LPO: variants seen among roughly 807,000 people sequenced by gnomAD.
LPO encodes the protein salivary peroxidase.
In LPO, 70 loss-of-function variants were observed where a neutral mutation model predicts 68.4. That is an observed-to-expected ratio of 1.02 (90% CI 0.84 to 1.25). The LOEUF (loss-of-function observed/expected upper bound fraction) is 1.25, where lower values mean the gene tolerates loss of function less well. Among genes scored for constraint, LPO ranks in the 50% most tolerant of loss-of-function variants. The pLI, the probability that LPO is intolerant of heterozygous loss-of-function variation, is 0.00. For missense variants in LPO, 873 were observed against 908.4 expected (o/e 0.96, Z 0.50); for synonymous variants, 360 against 357.6 (o/e 1.01, Z -0.08).
In LPO at chr17:58,249,086, T is replaced by A; in HGVS notation, c.352T>A (p.Ser118Thr). ...TDPSLDLTSLSLEVGCGAPAP... is the reference protein window; with the variant it reads ...TDPSLDLTSLTLEVGCGAPAP... Reference sequence around the variant, plus strand: ...TCCCAGCCTGGACTTGACTTCACTGTCTCTGGAGGTGGGCTGTGGTGCTCC... The same window carrying A: ...TCCCAGCCTGGACTTGACTTCACTGACTCTGGAGGTGGGCTGTGGTGCTCC... The change falls in exon 5 of 13, where the codon TCT becomes ACT. Residue 118 changes from serine to threonine, a missense_variant. Transcript: ENST00000262290. 2 of 1,614,164 alleles carry A rather than the reference T, an allele frequency of 1.2e-6. No homozygotes were observed. Among genetic ancestry groups the A allele is most frequent in the Non-Finnish European group, 1.7e-6 (2 of 1,180,012 alleles).
chr17:58,265,661 G>A (rs892122018), intron 10 of LPO, among the ~76,000 whole-genome samples: 2 of 142,524 alleles, frequency 1.4e-5, no homozygotes, highest in African/African-American at 5.3e-5. Flanking sequence ...AGCTCACTGC[G>A]GCCTTGACCT....
intron 11 of LPO, 21 bp from the exon 12 acceptor site, chr17:58,267,328 G>A: frequency 6.3e-7 from 1 of 1,595,586 alleles, no homozygotes; most frequent in Non-Finnish European, 8.6e-7. Flanking sequence ...GGATGAGACA[G>A]CCTCAGTCTC....
Position 58,244,064 on chromosome 17 carries a change from C to T in LPO, c.147C>T (p.Phe49=). The stretch of plus-strand genomic sequence containing the variant: ...CCAAGGTCCAAGTCAACAAGGCCTT[C>T]CTGGACTCCCGAACCAGGTACGTGA... ...SQAKVQVNKA[F]LDSRTRLKTA... Residue 49 remains phenylalanine, a synonymous_variant, in exon 3 of 13, where the codon TTC becomes TTT. Coordinates refer to ENST00000262290, the MANE Select transcript of LPO (RefSeq NM_006151.3). 1 of 1,610,472 alleles carries T rather than the reference C, an allele frequency of 6.2e-7. No individual in the cohort carries two copies.
At chr17:58,260,907 G>A (rs963583787) in intron 9 of LPO, among the ~76,000 whole-genome samples, 1 of 152,150 alleles carries the variant, frequency 6.6e-6, no homozygotes, top group Non-Finnish European at 1.5e-5. Flanking sequence ...TAATTTAGAA[G>A]AGTGTTATTT....
At chr17:58,254,180 G>GATAGATAGATAC (rs1567819942) in intron 8 of LPO, among the ~76,000 whole-genome samples, 2 of 151,164 alleles carry the variant, frequency 1.3e-5, no homozygotes, top group African/African-American at 4.9e-5. Context: ...TAGATAGATA[G>GATAGATAGATAC]ATAGATAGAT....
chr17:58,267,598 C>T lies in LPO; in HGVS notation c.1931+12C>T. 6.3e-7 allele frequency: 1 copy of T among 1,596,078 alleles called. No individual in the cohort carries two copies. Among genetic ancestry groups the T allele is most frequent in the Non-Finnish European group, 8.6e-7 (1 of 1,168,806 alleles). On this transcript the variant is annotated intron_variant, in intron 12 of 12. Transcript: ENST00000262290. The stretch of plus-strand genomic sequence containing the variant: ...CGTGATGGAGACAGGCAAGTGCGTC[C>T]TCAGCCAGGGAGGGAAGGGCAGGGC...
chr17:58,242,054 C>A (rs1160639616), intron 1 of LPO, among the ~76,000 whole-genome samples: 1 of 152,148 alleles, frequency 6.6e-6, no homozygotes, highest in Non-Finnish European at 1.5e-5. Flanking sequence ...GCACAGGCGC[C>A]CTTGTGAAAG....
intron 3 of LPO, 72 bp downstream of exon 3, chr17:58,244,153 T>C (rs2143886309): frequency 2.3e-6 from 3 of 1,298,330 alleles, no homozygotes; most frequent in South Asian, 1.2e-5. Context: ...AGGCTTCCTG[T>C]TCATGACAAG....
rs1308054707 is a variant in LPO, at chr17:58,249,169, C to A, written c.435C>A (p.Cys145Ter). The change falls in exon 5 of 13, where the codon TGC becomes TGA. Residue 145 changes from cysteine (C) to a stop codon, truncating the protein, a stop_gained. Coordinates refer to ENST00000262290, the MANE Select transcript of LPO (RefSeq NM_006151.3). LOFTEE classifies it high-confidence loss of function. ...CTTACCGCACCATTACGGGAGACTG[C>A]AATAACAGGTGGCGGGGCTTGGGGT... is the stretch of plus-strand genomic sequence containing the variant. ...CSPYRTITGDCNNRRKPALGA... is the reference protein window; with the variant it reads ...CSPYRTITGD 1.2e-6 allele frequency: 2 copies of A among 1,613,162 alleles called. No individual in the cohort carries two copies. Among genetic ancestry groups the A allele is most frequent in the East Asian group, 2.2e-5 (1 of 44,846 alleles).
At chr17:58,247,420 GC>G in intron 3 of LPO, 57 bp from the exon 4 acceptor site, 1 of 1,544,684 alleles carries the variant, frequency 6.5e-7, no homozygotes, top group South Asian at 1.2e-5. Flanking sequence ...CCCTCCAGCG[GC>G]CCCCAGCCCC....
Position 58,266,298 on chromosome 17 carries a change from A to T in LPO, c.1665A>T (p.Thr555=). ...IHGFDLAAIN[T]QRCRDHGQPG... ...GCTTTGACCTGGCTGCCATCAACAC[A>T]CAGCGTTGCCGGGACCATGGGCAAC... The change falls in exon 11 of 13, where the codon ACA becomes ACT. Residue 555 remains threonine, a synonymous_variant. Coordinates refer to ENST00000262290, the MANE Select transcript of LPO (RefSeq NM_006151.3). The T allele has an allele frequency of 6.2e-7, 1 of 1,614,098 alleles. No homozygotes were observed.
intron 9 of LPO, among the ~76,000 whole-genome samples, chr17:58,257,626 T>C (rs1970096945): frequency 6.6e-6 from 1 of 152,240 alleles, no homozygotes; most frequent in Non-Finnish European, 1.5e-5. Context: ...CTCTTTGATA[T>C]ACTGATTTTA....
At chr17:58,256,376 G>T (rs916684027) in intron 9 of LPO, among the ~76,000 whole-genome samples, 1 of 149,948 alleles carries the variant, frequency 6.7e-6, no homozygotes, top group African/African-American at 2.5e-5. Flanking sequence ...GAGTGCAATT[G>T]CTAGGTCACA....
At position 58,268,012 on chromosome 17, in the gene LPO, GA is replaced by G. The variant is rs1567825161; in HGVS notation, c.*21del. The G allele has an allele frequency of 2.5e-6, 4 of 1,612,338 alleles. No individual in the cohort carries two copies. In the South Asian group the frequency reaches 3.3e-5, roughly 13 times the overall value. On this transcript the variant is annotated 3_prime_UTR_variant, in exon 13 of 13. Transcript: ENST00000262290. The stretch of plus-strand genomic sequence containing the variant: ...AGAATTAGGGGCCCGCGCTGCACAG[GA>G]AAGTTCCCTTTGGTCCACAGGGCCA...
At chr17:58,244,130 C>T (rs1969811451) in intron 3 of LPO, 49 bp downstream of exon 3, 1 of 1,271,622 alleles carries the variant, frequency 7.9e-7, no homozygotes, top group Non-Finnish European at 1.1e-6. Flanking sequence ...CACACACACA[C>T]ACTTCCCTTC....
chr17:58,255,719 G>T (rs8178357), intron 9 of LPO, among the ~76,000 whole-genome samples: 5,928 of 152,236 alleles, frequency 0.039, 390 homozygotes, highest in African/African-American at 0.13. Flanking sequence ...AATGTACAAG[G>T]AGGTCCCATG....
intron 7 of LPO, chr17:58,251,826 A>G: frequency 5.4e-6 from 3 of 553,792 alleles, no homozygotes; most frequent in South Asian, 4.2e-5. Context: ...TAAGTCCAAA[A>G]TAAATACATG....
intron 1 of LPO, among the ~76,000 whole-genome samples, chr17:58,238,960 G>A (rs1969707648): frequency 6.6e-6 from 1 of 152,102 alleles, no homozygotes. Flanking sequence ...GCTTTTCTGT[G>A]TCTGAAAACT....
intron 7 of LPO, 80 bp downstream of exon 7, chr17:58,250,701 G>A (rs1969943905): frequency 2.1e-6 from 3 of 1,407,758 alleles, no homozygotes; most frequent in South Asian, 2.4e-5. Flanking sequence ...CATCAGCTAG[G>A]ATCTCTGGAT....
Sources: allele counts gnomAD v4.1 joint callset (sites outside exome capture counted in the v4.1 genomes callset), GRCh38; gene constraint gnomAD v4.1.1; transcripts MANE v1.5; gene names NCBI Gene and HGNC (gene_info 2026-07-23, HGNC 2026-07-21).